The following RBMS3 variants were observed in gnomAD, a reference collection of about 807,000 sequenced individuals.
RBMS3 encodes RNA binding motif single stranded interacting protein 3.
In RBMS3, 27 loss-of-function variants were observed where a neutral mutation model predicts 66.8. That is an observed-to-expected ratio of 0.40 (90% CI 0.30 to 0.56). RBMS3 has a LOEUF of 0.56. Among genes scored for constraint, RBMS3 ranks in the 20% least tolerant of loss-of-function variants. RBMS3 has a pLI of 0.40. For synonymous variants in RBMS3, 188 were observed against 183.0 expected (o/e 1.03, Z -0.22); for missense variants, 513 against 549.5 (o/e 0.93, Z 0.66).
chr3:29,648,261 C>CTCTTT (rs1576434694), intron 4 of RBMS3, among the ~76,000 whole-genome samples: 1 of 88,146 alleles, frequency 1.1e-5, no homozygotes, highest in Non-Finnish European at 2.2e-5. Context: ...TAGAAAATGT[C>CTCTTT]TATTTTTTTT....
chr3:29,734,641 A>G (rs2149341787), intron 4 of RBMS3, among the ~76,000 whole-genome samples: 1 of 152,254 alleles, frequency 6.6e-6, no homozygotes, highest in African/African-American at 2.4e-5. Flanking sequence ...AAGAAATAGT[A>G]GGAATATATT....
At chr3:29,696,161 A>G (rs2052264966) in intron 4 of RBMS3, among the ~76,000 whole-genome samples, 1 of 152,194 alleles carries the variant, frequency 6.6e-6, no homozygotes, top group African/African-American at 2.4e-5. Context: ...CAGGCATCCA[A>G]TTCAAGCAAT....
intron 1 of RBMS3, among the ~76,000 whole-genome samples, chr3:29,404,781 G>A (rs566182299): frequency 6.6e-6 from 1 of 152,164 alleles, no homozygotes; most frequent in South Asian, 2.1e-4. Flanking sequence ...TCTGAAGATG[G>A]CAAAGTACCT....
chr3:29,524,687 G>T (rs1201799876), intron 3 of RBMS3, among the ~76,000 whole-genome samples: 1 of 151,582 alleles, frequency 6.6e-6, no homozygotes, highest in East Asian at 1.9e-4. Flanking sequence ...CAGGTGATCT[G>T]CCCTCCTTGG....
intron 3 of RBMS3, among the ~76,000 whole-genome samples, chr3:29,571,554 T>C (rs2046954452): frequency 6.6e-6 from 1 of 152,190 alleles, no homozygotes; most frequent in African/African-American, 2.4e-5. Flanking sequence ...TGTGTGGCTT[T>C]GGCACCTTTG....
chr3:29,850,753 G>A (rs191651951), intron 6 of RBMS3, among the ~76,000 whole-genome samples: 17 of 152,226 alleles, frequency 1.1e-4, no homozygotes, highest in East Asian at 5.8e-4. Context: ...TGTTTGATTA[G>A]GAACAGCTAG....
chr3:29,602,906 G>A (rs969551442), intron 4 of RBMS3, among the ~76,000 whole-genome samples: 1 of 151,880 alleles, frequency 6.6e-6, no homozygotes, highest in African/African-American at 2.4e-5. Context: ...TCAGGCCCAA[G>A]GTCAAGTGGC....
intron 12 of RBMS3, among the ~76,000 whole-genome samples, chr3:29,974,686 A>G (rs2149767503): frequency 6.6e-6 from 1 of 151,330 alleles, no homozygotes; most frequent in South Asian, 2.1e-4. Context: ...ATGGAATAAT[A>G]CAGTGTAAAA....
intron 2 of RBMS3, among the ~76,000 whole-genome samples, chr3:29,455,042 A>G (rs1334327374): frequency 6.6e-6 from 1 of 152,088 alleles, no homozygotes; most frequent in African/African-American, 2.4e-5. Flanking sequence ...TATTTACTCC[A>G]TCTCCCTCCC....
chr3:29,584,200 C>T (rs1348439806), intron 3 of RBMS3, among the ~76,000 whole-genome samples: 1 of 152,154 alleles, frequency 6.6e-6, no homozygotes, highest in Non-Finnish European at 1.5e-5. Flanking sequence ...TAGCATTTCA[C>T]ATAATTGATC....
intron 6 of RBMS3, among the ~76,000 whole-genome samples, chr3:29,865,117 G>GAAGGAAGGAAGGAAGGAAGGAAGT (rs2059326699): frequency 6.6e-6 from 1 of 151,270 alleles, no homozygotes; most frequent in African/African-American, 2.4e-5. Flanking sequence ...AGGAAGGAAG[G>GAAGGAAGGAAGGAAGGAAGGAAGT]AAGGAAGGAA....
intron 3 of RBMS3, among the ~76,000 whole-genome samples, chr3:29,577,263 T>C (rs1333986246): frequency 6.6e-6 from 1 of 152,214 alleles, no homozygotes; most frequent in Non-Finnish European, 1.5e-5. Flanking sequence ...CTACCACGGC[T>C]GAGCTGGTAT....
chr3:29,713,168 T>C (rs1254308147), intron 4 of RBMS3, among the ~76,000 whole-genome samples: 2 of 152,016 alleles, frequency 1.3e-5, no homozygotes, highest in Non-Finnish European at 1.5e-5. Flanking sequence ...TATCAAACTT[T>C]AGAAAAGTGT....
At chr3:29,730,728 C>A in intron 4 of RBMS3, 1 of 364,018 alleles carries the variant, frequency 2.7e-6, no homozygotes, top group Non-Finnish European at 3.8e-6. Flanking sequence ...GATTTGTTTA[C>A]AATATTGAGT....
At chr3:29,850,389 A>G (rs918104209) in intron 6 of RBMS3, among the ~76,000 whole-genome samples, 2 of 152,166 alleles carry the variant, frequency 1.3e-5, no homozygotes, top group African/African-American at 2.4e-5. Flanking sequence ...TATTCAATCT[A>G]CTTCATTAAT....
At chr3:29,524,511 T>G (rs1576112561) in intron 3 of RBMS3, among the ~76,000 whole-genome samples, 1 of 139,006 alleles carries the variant, frequency 7.2e-6, no homozygotes. Context: ...TACCACAATC[T>G]CCGCCTCCCG....
At chr3:29,448,928 T>G in intron 2 of RBMS3, among the ~76,000 whole-genome samples, 1 of 152,190 alleles carries the variant, frequency 6.6e-6, no homozygotes, top group Admixed American at 6.5e-5. Context: ...AACCCAGACA[T>G]TACAGCTTAC....
chr3:29,783,127 AG>A (rs2056696251), intron 6 of RBMS3, among the ~76,000 whole-genome samples: 1 of 152,210 alleles, frequency 6.6e-6, no homozygotes, highest in Admixed American at 6.5e-5. Context: ...AACACATTTG[AG>A]GGAATAATCC....
chr3:29,593,135 G>T (rs1416241641), intron 4 of RBMS3, among the ~76,000 whole-genome samples: 2 of 152,024 alleles, frequency 1.3e-5, no homozygotes, highest in Non-Finnish European at 2.9e-5. Context: ...TGCACGTTGT[G>T]CACATGTACC....
Sources: allele counts gnomAD v4.1 joint callset (sites outside exome capture counted in the v4.1 genomes callset), GRCh38; gene constraint gnomAD v4.1.1; transcripts MANE v1.5; gene names NCBI Gene and HGNC (gene_info 2026-07-23, HGNC 2026-07-21).